PHACTR2: variants seen among roughly 807,000 people sequenced by gnomAD.
PHACTR2 encodes chromosome 6 open reading frame 56.
Under a neutral mutation model 76.0 loss-of-function variants are expected in PHACTR2, and 30 were observed. That is an observed-to-expected ratio of 0.39 (90% confidence interval 0.30 to 0.54). The LOEUF (loss-of-function observed/expected upper bound fraction) is 0.54, where lower values mean the gene tolerates loss of function less well. Ranked by LOEUF, PHACTR2 falls within the 20% of genes least tolerant of loss-of-function variation. The pLI is 0.61. For synonymous variants in PHACTR2, 292 were observed against 292.5 expected (o/e 1.00, Z 0.02); for missense variants, 696 against 781.1 (o/e 0.89, Z 1.30).
Position 143,770,197 on chromosome 6 carries a change from C to T in PHACTR2, c.1233-2061C>T, listed in dbSNP as rs73587134. Among the ~76,000 whole-genome samples the T allele has an allele frequency of 5.6e-3, 857 of 152,168 alleles. 8 individuals are homozygous for T. The highest frequency in any genetic ancestry group is 0.019 in the African/African-American group (801 of 41,526). On this transcript the variant is annotated intron_variant, in intron 6 of 12. Transcript: ENST00000440869. ...AGGAAGCAGATTCTCACACATGCTA[C>T]GACATGAATGAAGGAACCTTGAAGA...
rs1251466948 is a variant in PHACTR2 at position 143,787,195 on chromosome 6, C to G, written c.1708-1578C>G. Among the ~76,000 whole-genome samples the G allele has an allele frequency of 6.6e-6, 1 of 152,234 alleles. No homozygotes were observed. Among genetic ancestry groups the G allele is most frequent in the Non-Finnish European group, 1.5e-5 (1 of 68,042 alleles). The stretch of plus-strand genomic sequence containing the variant: ...GCCGTAGGTGCAGGTCAGCCCGTAG[C>G]ACTGGTAGCTACCCCATGACTGGGA... On this transcript the variant is annotated intron_variant, in intron 10 of 12. Coordinates refer to ENST00000440869, the MANE Select transcript of PHACTR2 (RefSeq NM_001100164.2). The surrounding 1 kb of genome is among the most constrained non-coding windows in gnomAD (Gnocchi z 4.6).
chr6:143,778,927 C>T (rs1330528279), intron 9 of PHACTR2, among the ~76,000 whole-genome samples: 1 of 152,116 alleles, frequency 6.6e-6, no homozygotes, highest in Non-Finnish European at 1.5e-5. Context: ...ATCTTAAGTG[C>T]TGCATTGGCC....
intron 2 of PHACTR2, among the ~76,000 whole-genome samples, chr6:143,726,833 G>A (rs4896669): frequency 0.3 from 45,707 of 151,918 alleles, 7,428 homozygotes; most frequent in African/African-American, 0.42. Flanking sequence ...CATAATATTT[G>A]TGTATATTTA....
chr6:143,714,783 C>T (rs1484906161), intron 2 of PHACTR2, among the ~76,000 whole-genome samples: 1 of 152,186 alleles, frequency 6.6e-6, no homozygotes, highest in African/African-American at 2.4e-5. Context: ...GTTCTTCTAT[C>T]CCTTCCCTAT....
At chr6:143,613,351 T>A (rs1042956356) in intron 1 of PHACTR2, among the ~76,000 whole-genome samples, 1 of 152,244 alleles carries the variant, frequency 6.6e-6, no homozygotes, top group East Asian at 1.9e-4. Context: ...GTTTTCAAAA[T>A]GCTAGTATTA....
chr6:143,769,593 T>G (rs1775042717), intron 6 of PHACTR2, among the ~76,000 whole-genome samples: 1 of 152,118 alleles, frequency 6.6e-6, no homozygotes, highest in Non-Finnish European at 1.5e-5. Flanking sequence ...TTATCTGCCC[T>G]CCTTATACAA....
intron 6 of PHACTR2, among the ~76,000 whole-genome samples, chr6:143,771,190 G>GCTT (rs1775114600): frequency 4.5e-5 from 1 of 22,452 alleles, no homozygotes; most frequent in East Asian, 3.2e-3. Flanking sequence ...ATATATATAT[G>GCTT]TGTGTATATA....
At chr6:143,594,117 A>G (rs1453797373) in intron 1 of PHACTR2, among the ~76,000 whole-genome samples, 5 of 152,248 alleles carry the variant, frequency 3.3e-5, no homozygotes, top group South Asian at 2.1e-4. Context: ...ATGGTTCAAT[A>G]TATACAAACT....
Position 143,818,129 on chromosome 6 carries a change from A to G in PHACTR2, c.1923-5545A>G, listed in dbSNP as rs1344295719. Among the ~76,000 whole-genome samples, 1 of 152,216 alleles carries G rather than the reference A, an allele frequency of 6.6e-6. No individual in the cohort carries two copies. Among genetic ancestry groups the G allele is most frequent in the Non-Finnish European group, 1.5e-5 (1 of 68,034 alleles). ...ACAATTATGTGTCAATTAAAAATAT[A>G]ATAAAATAATCAATAAAAAATTTAA... is the stretch of plus-strand genomic sequence containing the variant. On this transcript the variant is annotated intron_variant, in intron 12 of 12. Coordinates refer to ENST00000440869, the MANE Select transcript of PHACTR2 (RefSeq NM_001100164.2). The surrounding 1 kb of genome is among the most constrained non-coding windows in gnomAD (Gnocchi z 4.9).
At position 143,635,316 on chromosome 6, in the gene PHACTR2, A is replaced by ATGTGTG. The variant is rs71834478; in HGVS notation, c.13+27024_13+27029dup. ...AGTTCATATTGACGGAGCATTTAGG[A>ATGTGTG]TGTGTGTGTGTGTGTGTGTGTGTGT... is the stretch of plus-strand genomic sequence containing the variant. On this transcript the variant is annotated intron_variant, in intron 1 of 11. Transcript: ENST00000305766. 5.9e-3 allele frequency among the ~76,000 whole-genome samples: 881 copies of ATGTGTG among 149,922 alleles called. 4 individuals are homozygous for ATGTGTG. Among genetic ancestry groups the ATGTGTG allele is most frequent in the African/African-American group, 0.017 (686 of 40,848 alleles).
chr6:143,770,052 G>A (rs1364348570), intron 6 of PHACTR2, among the ~76,000 whole-genome samples: 4 of 152,140 alleles, frequency 2.6e-5, no homozygotes, highest in Non-Finnish European at 5.9e-5. Context: ...GTACACCAGT[G>A]CTCAAAGCAG....
intron 2 of PHACTR2, among the ~76,000 whole-genome samples, chr6:143,715,159 C>T (rs1036168366): frequency 3.3e-5 from 5 of 152,172 alleles, no homozygotes; most frequent in African/African-American, 7.2e-5. Context: ...AATTTAGTGT[C>T]GTTCTCTTAT....
At chr6:143,606,488 A>G (rs376229638), upstream of PHACTR2, among the ~76,000 whole-genome samples, 23 of 152,310 alleles carry the variant, frequency 1.5e-4, no homozygotes, top group African/African-American at 5.1e-4. Flanking sequence ...TGAGAGTCAG[A>G]TTTTGAACTG....
In PHACTR2 at chr6:143,617,976, C is replaced by T. The variant is rs985428745; in HGVS notation, c.13+9654C>T. 6.6e-6 allele frequency among the ~76,000 whole-genome samples: 1 copy of T among 152,056 alleles called. No individual in the cohort carries two copies. Among genetic ancestry groups the T allele is most frequent in the Non-Finnish European group, 1.5e-5 (1 of 68,014 alleles). ...TAAAAGTGAAGATTCACCACAGTGG[C>T]AAAAACTATTTCTAAAGAGACTACA... On this transcript the variant is annotated intron_variant, in intron 1 of 11. Transcript: ENST00000305766. This position sits in a 1 kb window ranked among gnomAD's most constrained non-coding sequence, Gnocchi z 4.8.
intron 2 of PHACTR2, among the ~76,000 whole-genome samples, chr6:143,724,696 A>C (rs1422458928): frequency 6.6e-6 from 1 of 152,166 alleles, no homozygotes; most frequent in Non-Finnish European, 1.5e-5. Context: ...TAGCCCCTCA[A>C]CAAACTGGGC....
chr6:143,741,715 TA>T (rs1280645960), intron 2 of PHACTR2, among the ~76,000 whole-genome samples: 1 of 152,130 alleles, frequency 6.6e-6, no homozygotes, highest in Non-Finnish European at 1.5e-5. Context: ...CTTGAGTGGG[TA>T]AAGAGGGGCT....
At chr6:143,661,955 G>A (rs967251724) in intron 1 of PHACTR2, among the ~76,000 whole-genome samples, 15 of 152,146 alleles carry the variant, frequency 9.9e-5, no homozygotes, top group Non-Finnish European at 2.1e-4. Flanking sequence ...TTGCATTGGA[G>A]GGTGATGTGT....
At position 143,583,780 on chromosome 6, in the gene PHACTR2, T is replaced by C. The variant is rs568173301; in HGVS notation, c.217+46573T>C. ...ATTTGTTGATTGGTTGATTCATTGT[T>C]TGGAAAATACCTGGACTACTATAAT... On this transcript the variant is annotated intron_variant, in intron 1 of 11. Coordinates refer to the PHACTR2 transcript ENST00000367584. This position sits in a 1 kb window ranked among gnomAD's most constrained non-coding sequence, Gnocchi z 4.0. Among the ~76,000 whole-genome samples, 2 of 152,360 alleles carry C rather than the reference T, an allele frequency of 1.3e-5. No homozygotes were observed. Among genetic ancestry groups the C allele is most frequent in the Admixed American group, 6.5e-5 (1 of 15,304 alleles).
upstream of PHACTR2, among the ~76,000 whole-genome samples, chr6:143,673,115 G>A (rs368640588): frequency 6.6e-6 from 1 of 152,054 alleles, no homozygotes; most frequent in Non-Finnish European, 1.5e-5. Flanking sequence ...TATGACCTCC[G>A]CCACAGGAGA....
Sources: allele counts gnomAD v4.1 joint callset (sites outside exome capture counted in the v4.1 genomes callset), GRCh38; gene constraint gnomAD v4.1.1; non-coding constraint Gnocchi (gnomAD v3.1); transcripts MANE v1.5; gene names NCBI Gene and HGNC (gene_info 2026-07-23, HGNC 2026-07-21).